DDX43: variants seen among roughly 807,000 people sequenced by gnomAD.
DDX43 encodes the protein DEAD-box helicase 43, also known as probable ATP-dependent RNA helicase DDX43.
Under a neutral mutation model 84.9 loss-of-function variants are expected in DDX43, and 50 were observed. The ratio of observed to expected loss-of-function variants is 0.59; its 90% CI spans 0.47 to 0.75. The LOEUF is 0.75. Among genes scored for constraint, DDX43 ranks in the 30% least tolerant of loss-of-function variants. DDX43 has a pLI of 0.00. For missense variants in DDX43, 689 were observed against 798.6 expected, an observed-to-expected ratio of 0.86 and a Z score of 1.65; for synonymous variants, 291 against 266.3, an observed-to-expected ratio of 1.09 and a Z score of -0.90.
chr6:73,407,886 C>T, intron 8 of DDX43, 74 bp from the exon 9 acceptor site: 1 of 1,418,650 alleles, frequency 7.0e-7, no homozygotes, highest in Non-Finnish European at 9.7e-7. Flanking sequence ...GATTTTTATC[C>T]CTTTTATTGG....
At chr6:73,404,908 AT>A in intron 5 of DDX43, 137 bp downstream of exon 5, 1 of 721,868 alleles carries the variant, frequency 1.4e-6, no homozygotes, top group Non-Finnish European at 2.3e-6. Context: ...CTTACATGAT[AT>A]TTTAGAACAT....
At chr6:73,406,568 GCTT>G in intron 7 of DDX43, 86 bp downstream of exon 7, 3 of 820,400 alleles carry the variant, frequency 3.7e-6, no homozygotes, top group Non-Finnish European at 5.9e-6. Context: ...TTTACCTATT[GCTT>G]GATCCAAAGG....
chr6:73,411,009 A>T (rs1004598972), intron 10 of DDX43, among the ~76,000 whole-genome samples: 1 of 151,620 alleles, frequency 6.6e-6, no homozygotes, highest in African/African-American at 2.4e-5. Context: ...ACACGGTGAA[A>T]CCCCGTCTCT....
chr6:73,416,030 G>A (rs747156913), intron 15 of DDX43, 83 bp from the exon 16 acceptor site: 20 of 761,416 alleles, frequency 2.6e-5, no homozygotes, highest in Non-Finnish European at 4.2e-5. Context: ...CCAGCTGTGC[G>A]ATTATCTGAA....
chr6:73,411,739 G>A (rs569505336), intron 10 of DDX43, among the ~76,000 whole-genome samples: 8 of 152,008 alleles, frequency 5.3e-5, no homozygotes, highest in African/African-American at 1.2e-4. Flanking sequence ...CTTTTGTTGC[G>A]GTGGCTGGAG....
chr6:73,403,831 T>G (rs1258909072), intron 4 of DDX43, among the ~76,000 whole-genome samples: 1 of 151,778 alleles, frequency 6.6e-6, no homozygotes, highest in Non-Finnish European at 1.5e-5. Context: ...TTTTTTTTTT[T>G]TTTTAAATGG....
At chr6:73,416,466 G>C (rs908058975) in intron 16 of DDX43, among the ~76,000 whole-genome samples, 1 of 152,118 alleles carries the variant, frequency 6.6e-6, no homozygotes. Context: ...ATTCATAATA[G>C]TCAAGGGTAT....
chr6:73,396,077 C>T (rs1292062385), intron 1 of DDX43, among the ~76,000 whole-genome samples: 1 of 151,932 alleles, frequency 6.6e-6, no homozygotes, highest in Admixed American at 6.6e-5. Context: ...ATTCTAGCAC[C>T]TCAGCCTCCC....
intron 5 of DDX43, 104 bp downstream of exon 5, chr6:73,404,875 AT>A: frequency 1.0e-5 from 9 of 887,982 alleles, no homozygotes; most frequent in Non-Finnish European, 1.6e-5. Context: ...TACGCCTTCA[AT>A]ATTCAAATGA....
Position 73,412,303 on chromosome 6 carries a change from T to C in DDX43, c.1368+11T>C. 6.3e-7 allele frequency: 1 copy of C among 1,596,268 alleles called. No homozygotes were observed. The highest frequency in any genetic ancestry group is 8.5e-7 in the Non-Finnish European group (1 of 1,170,348). On this transcript the variant is annotated intron_variant, in intron 11 of 16. Transcript: ENST00000370336. ...ACATTGGATCTAGTTGTAAGCTTTTTTTTATTACTATTGTTTAACATTTCT... is the reference window on the plus strand; with the variant it reads ...ACATTGGATCTAGTTGTAAGCTTTTCTTTATTACTATTGTTTAACATTTCT...
At position 73,408,059 on chromosome 6, in the gene DDX43, GC is replaced by G; in HGVS notation, c.1138del (p.Gln380LysfsTer2). 6.2e-7 allele frequency: 1 copy of G among 1,613,998 alleles called. No homozygotes were observed. Reference protein sequence around the residue: ...IATPGRLNDLQMSNFVNLKNI... With the variant: ...IATPGRLNDLXMSNFVNLKNI... ...CAACTCCCGGAAGATTGAATGATCT[GC>G]AAATGAGTAACTTCGTCAATCTGAA... is the stretch of plus-strand genomic sequence containing the variant. On this transcript the variant is annotated frameshift_variant, in exon 9 of 17. Coordinates refer to ENST00000370336, the MANE Select transcript of DDX43 (RefSeq NM_018665.3). LOFTEE classifies it high-confidence loss of function.
At chr6:73,400,084 T>G (rs1769536965) in intron 2 of DDX43, 150 bp from the exon 3 acceptor site, 1 of 521,198 alleles carries the variant, frequency 1.9e-6, no homozygotes, top group Admixed American at 4.1e-5. Context: ...ACTAGAAATT[T>G]AGACATTGAT....
At position 73,413,982 on chromosome 6, in the gene DDX43, A is replaced by T. The variant is rs752210025; in HGVS notation, c.1509A>T (p.Leu503Phe). 1.2e-5 allele frequency: 20 copies of T among 1,605,654 alleles called. No homozygotes were observed. The highest frequency in any genetic ancestry group is 1.7e-4 in the Middle Eastern group (1 of 6,028). ...FVSRKAVADH[L>F]SSDLILGNIS... Reference sequence around the variant, plus strand: ...TCTTTTGCTTCAGTGCGGATCACTTATCAAGTGACCTAATACTTGGAAATA... The same window carrying T: ...TCTTTTGCTTCAGTGCGGATCACTTTTCAAGTGACCTAATACTTGGAAATA... The change falls in exon 13 of 17, where the codon TTA becomes TTT. Residue 503 changes from leucine (L) to phenylalanine (F), a missense_variant. Coordinates refer to ENST00000370336, the MANE Select transcript of DDX43 (RefSeq NM_018665.3).
Position 73,398,837 on chromosome 6 carries a change from C to T in DDX43, c.306+1093C>T, listed in dbSNP as rs567947694. Among the ~76,000 whole-genome samples, 6 of 152,318 alleles carry T rather than the reference C, an allele frequency of 3.9e-5. No individual in the cohort carries two copies. The South Asian group carries it at 1.2e-3, about 32-fold the overall frequency. Reference sequence around the variant, plus strand: ...ATTCACCGCTAGGTCTTGACTATTTCTTGTACTTCTCAAGGGGAATGTCAT... The same window carrying T: ...ATTCACCGCTAGGTCTTGACTATTTTTTGTACTTCTCAAGGGGAATGTCAT... On this transcript the variant is annotated intron_variant, in intron 2 of 16. Transcript: ENST00000370336.
chr6:73,394,934 CCTCTACGTGGGT>C lies in DDX43; in HGVS notation c.31_42del (p.Ser11_Val14del). 1 of 1,614,252 alleles carries C rather than the reference CCTCTACGTGGGT, an allele frequency of 6.2e-7. No individual in the cohort carries two copies. Among genetic ancestry groups the C allele is most frequent in the Non-Finnish European group, 8.5e-7 (1 of 1,180,036 alleles). On this transcript the variant is annotated inframe_deletion, in exon 1 of 17. Coordinates refer to ENST00000370336, the MANE Select transcript of DDX43 (RefSeq NM_018665.3). ...TCCCACCACGGAGGAGCTCCCAAGG[CCTCTACGTGGGT>C]CGTTGCTAGTCGGCGAAGCTCGACA...
At position 73,415,568 on chromosome 6, in the gene DDX43, TG is replaced by T; in HGVS notation, c.1819del (p.Glu607LysfsTer77). ...WRVASELINI[L>X]ERANQSIPEE... ...GTTGCCTCTGAATTGATTAATATTC[TG>T]GAAAGAGCAAATCAGGTGAGACTAT... is the stretch of plus-strand genomic sequence containing the variant. On this transcript the variant is annotated frameshift_variant, in exon 15 of 17. Coordinates refer to ENST00000370336, the MANE Select transcript of DDX43 (RefSeq NM_018665.3). LOFTEE classifies it high-confidence loss of function. The T allele has an allele frequency of 6.2e-7, 1 of 1,611,752 alleles. No homozygotes were observed. The highest frequency in any genetic ancestry group is 1.1e-5 in the South Asian group (1 of 90,936).
At chr6:73,403,518 G>A (rs1469544559) in intron 4 of DDX43, among the ~76,000 whole-genome samples, 2 of 152,086 alleles carry the variant, frequency 1.3e-5, no homozygotes, top group South Asian at 2.1e-4. Flanking sequence ...TAAGAGAGTA[G>A]ACCAAGGATA....
intron 11 of DDX43, 99 bp from the exon 12 acceptor site, chr6:73,413,559 C>A: frequency 8.2e-7 from 1 of 1,218,946 alleles, no homozygotes; most frequent in Non-Finnish European, 1.1e-6. Context: ...TTATTAAAAA[C>A]ATTAACCAAT....
chr6:73,399,101 C>G (rs1489286360), intron 2 of DDX43, among the ~76,000 whole-genome samples: 1 of 152,012 alleles, frequency 6.6e-6, no homozygotes, highest in African/African-American at 2.4e-5. Context: ...GCCCTTCCAG[C>G]TCACCTGGCT....
Sources: allele counts gnomAD v4.1 joint callset (sites outside exome capture counted in the v4.1 genomes callset), GRCh38; gene constraint gnomAD v4.1.1; transcripts MANE v1.5; gene names NCBI Gene and HGNC (gene_info 2026-07-23, HGNC 2026-07-21).